RIMS2: variants seen among roughly 807,000 people sequenced by gnomAD.
The protein encoded by RIMS2 is regulating synaptic membrane exocytosis 2.
In RIMS2, 59 loss-of-function variants were observed where a neutral mutation model predicts 174.4. The ratio of observed to expected loss-of-function variants is 0.34; its 90% CI spans 0.27 to 0.42. The LOEUF (loss-of-function observed/expected upper bound fraction) is 0.42, where lower values mean the gene tolerates loss of function less well. Ranked by LOEUF, RIMS2 falls within the 10% of genes least tolerant of loss-of-function variation. RIMS2 has a pLI of 1.00. For synonymous variants in RIMS2, 606 were observed against 572.5 expected, an observed-to-expected ratio of 1.06 and a Z score of -0.84; for missense variants, 1,620 against 1,666.3, an observed-to-expected ratio of 0.97 and a Z score of 0.48.
At chr8:103,588,427 C>G (rs1169666868) in intron 1 of RIMS2, among the ~76,000 whole-genome samples, 3 of 151,740 alleles carry the variant, frequency 2.0e-5, no homozygotes, top group Non-Finnish European at 4.4e-5. Context: ...TTATATGGAA[C>G]CATAAAAGAC....
At chr8:103,891,441 A>G (rs10955334) in intron 4 of RIMS2, among the ~76,000 whole-genome samples, 24,962 of 151,942 alleles carry the variant, frequency 0.16, 2,181 homozygotes, top group Middle Eastern at 0.26. Flanking sequence ...TTTTCATTAG[A>G]TATATTTTAA....
intron 1 of RIMS2, among the ~76,000 whole-genome samples, chr8:103,580,127 G>A (rs1171549725): frequency 2.0e-5 from 3 of 152,090 alleles, no homozygotes; most frequent in Non-Finnish European, 4.4e-5. Flanking sequence ...AAGAAAGGAA[G>A]AGAGGAATTA....
At chr8:103,574,665 G>A (rs1428684367) in intron 1 of RIMS2, among the ~76,000 whole-genome samples, 8 of 152,074 alleles carry the variant, frequency 5.3e-5, no homozygotes, top group Admixed American at 6.6e-5. Flanking sequence ...GACTCCCTGC[G>A]TTGTTTCAGT....
exon 18 of RIMS2, chr8:104,013,555 A>C (rs1597126212): frequency 6.2e-7 from 1 of 1,613,740 alleles, no homozygotes; most frequent in African/African-American, 1.3e-5. Context: ...CCTGATACAA[A>C]CCTCATGAGG....
intron 1 of RIMS2, among the ~76,000 whole-genome samples, chr8:103,595,934 C>G (rs2094463308): frequency 6.6e-6 from 1 of 151,772 alleles, no homozygotes; most frequent in Admixed American, 6.6e-5. Flanking sequence ...ATTAACATAC[C>G]AAGAAGTTAC....
intron 1 of RIMS2, among the ~76,000 whole-genome samples, chr8:103,683,413 C>G (rs1157642063): frequency 6.6e-6 from 1 of 152,112 alleles, no homozygotes; most frequent in Non-Finnish European, 1.5e-5. Flanking sequence ...TCACTCACCC[C>G]CAAGGAAGAG....
intron 1 of RIMS2, among the ~76,000 whole-genome samples, chr8:103,670,904 G>T (rs921543939): frequency 9.9e-5 from 15 of 152,066 alleles, no homozygotes; most frequent in African/African-American, 3.4e-4. Context: ...CACATTTTCA[G>T]GTACCTTTAC....
rs192884802 is a variant in RIMS2 at position 103,611,551 on chromosome 8, G to C, written c.177-85535G>C. Among the ~76,000 whole-genome samples the C allele has an allele frequency of 6.4e-3, 934 of 145,612 alleles. 13 individuals are homozygous for C. The highest frequency in any genetic ancestry group is 0.022 in the African/African-American group (884 of 39,760). ...GGGAGGAATTTTTTTTTTTTTGTCA[G>C]ATGTAGTATTTTAGGGTAAACGTTT... On this transcript the variant is annotated intron_variant, in intron 1 of 23. Transcript: ENST00000504942.
intron 4 of RIMS2, among the ~76,000 whole-genome samples, chr8:103,900,447 G>T (rs1014595457): frequency 2.7e-5 from 4 of 148,672 alleles, no homozygotes; most frequent in African/African-American, 1.0e-4. Context: ...CATTATAGTA[G>T]TTCTTAATTC....
chr8:103,892,348 T>C (rs1473273590), intron 4 of RIMS2, among the ~76,000 whole-genome samples: 1 of 151,370 alleles, frequency 6.6e-6, no homozygotes, highest in Non-Finnish European at 1.5e-5. Flanking sequence ...GACCACAGGC[T>C]TTCACCACCG....
intron 3 of RIMS2, among the ~76,000 whole-genome samples, chr8:103,860,671 A>AT (rs2154499255): frequency 6.6e-6 from 1 of 151,330 alleles, no homozygotes; most frequent in Admixed American, 6.6e-5. Context: ...TAAACTAGAG[A>AT]TTAAAAAAAA....
chr8:103,879,602 T>C (rs1473151028), intron 3 of RIMS2, among the ~76,000 whole-genome samples: 1 of 151,514 alleles, frequency 6.6e-6, no homozygotes, highest in Non-Finnish European at 1.5e-5. Flanking sequence ...TTCCCCCCAA[T>C]CTTTTCAAGA....
chr8:104,254,773 G>A (rs1269237465), downstream of RIMS2: 2 of 152,200 alleles, frequency 1.3e-5, no homozygotes, highest in Non-Finnish European at 2.9e-5. Flanking sequence ...CTCAGGCACA[G>A]GCTCTGCTAG....
At chr8:104,253,946 A>G (rs1378652214), downstream of RIMS2, 1 of 152,200 alleles carries the variant, frequency 6.6e-6, no homozygotes, top group Non-Finnish European at 1.5e-5. Context: ...GGACCCAGGT[A>G]AAGTTGTTAA....
chr8:103,534,055 C>T (rs969111233), intron 1 of RIMS2, among the ~76,000 whole-genome samples: 15 of 152,188 alleles, frequency 9.9e-5, no homozygotes, highest in African/African-American at 3.6e-4. Flanking sequence ...ACACTAAGCC[C>T]TGTTATTGAA....
At chr8:103,921,815 T>C (rs1371190244) in intron 10 of RIMS2, 31 bp downstream of exon 13, 22 of 810,454 alleles carry the variant, frequency 2.7e-5, no homozygotes, top group Non-Finnish European at 4.0e-5. Flanking sequence ...CTCTTCTTTT[T>C]GGAATATCAA....
At chr8:103,605,560 G>A (rs1403648949) in intron 1 of RIMS2, among the ~76,000 whole-genome samples, 2 of 151,610 alleles carry the variant, frequency 1.3e-5, no homozygotes, top group East Asian at 1.9e-4. Context: ...GATTGGAATA[G>A]TTTCAGAAGG....
intron 14 of RIMS2, among the ~76,000 whole-genome samples, chr8:103,943,941 A>G (rs2083126068): frequency 6.6e-6 from 1 of 152,152 alleles, no homozygotes; most frequent in Admixed American, 6.5e-5. Flanking sequence ...ACAAATGAGT[A>G]TTGTGTATAT....
chr8:104,137,808 A>C (rs1186400586), intron 19 of RIMS2, among the ~76,000 whole-genome samples: 2 of 152,152 alleles, frequency 1.3e-5, no homozygotes, highest in African/African-American at 4.8e-5. Flanking sequence ...ATACTCTTTT[A>C]GTTATTTTTA....
Sources: allele counts gnomAD v4.1 joint callset (sites outside exome capture counted in the v4.1 genomes callset), GRCh38; gene constraint gnomAD v4.1.1; transcripts MANE v1.5; gene names NCBI Gene and HGNC (gene_info 2026-07-23, HGNC 2026-07-21).